Variants in FNDC7 observed in about 807,000 individuals in gnomAD.
The protein encoded by FNDC7 is fibronectin type III domain containing 7, also known as fibronectin type III domain-containing protein 7.
A neutral mutation model predicts 74.2 loss-of-function variants in FNDC7; 66 were observed. The ratio of observed to expected loss-of-function variants is 0.89; its 90% CI spans 0.73 to 1.09. FNDC7 has a LOEUF of 1.09. Among genes scored for constraint, FNDC7 ranks in the 50% least tolerant of loss-of-function variants. FNDC7 has a pLI of 0.00. For missense variants in FNDC7, 829 were observed against 893.4 expected, an observed-to-expected ratio of 0.93 and a Z score of 0.92; for synonymous variants, 307 against 330.2, an observed-to-expected ratio of 0.93 and a Z score of 0.76.
chr1:108,718,300 G>T (rs1225194296), intron 3 of FNDC7, among the ~76,000 whole-genome samples: 1 of 152,206 alleles, frequency 6.6e-6, no homozygotes. Flanking sequence ...CTGAAATAGG[G>T]ATTTCTGGTT....
chr1:108,718,734 A>T, intron 3 of FNDC7, 55 bp from the exon 4 acceptor site: 1 of 1,522,456 alleles, frequency 6.6e-7, no homozygotes, highest in Non-Finnish European at 8.9e-7. Flanking sequence ...TCTAAATTTG[A>T]ATTATCCTCT....
chr1:108,727,091 C>T (rs560950392), intron 6 of FNDC7, among the ~76,000 whole-genome samples: 14 of 152,174 alleles, frequency 9.2e-5, no homozygotes, highest in Admixed American at 8.5e-4. Context: ...TTTGGGAAGC[C>T]GAGGCAGGCA....
intron 2 of FNDC7, 22 bp from the exon 3 acceptor site, chr1:108,717,755 A>G (rs1661005486): frequency 6.5e-7 from 1 of 1,549,656 alleles, no homozygotes; most frequent in Non-Finnish European, 8.7e-7. Flanking sequence ...TGGCTAATGT[A>G]CAACTCTAAA....
At chr1:108,720,632 G>A (rs1270593542) in intron 4 of FNDC7, among the ~76,000 whole-genome samples, 2 of 152,198 alleles carry the variant, frequency 1.3e-5, no homozygotes, top group Admixed American at 6.5e-5. Context: ...TGAAATCAAG[G>A]TGTTGGCTAG....
chr1:108,715,689 A>ACT (rs1660958337), intron 2 of FNDC7, among the ~76,000 whole-genome samples: 1 of 152,070 alleles, frequency 6.6e-6, no homozygotes, highest in Non-Finnish European at 1.5e-5. Flanking sequence ...ACACACACAC[A>ACT]CACTTTCCAA....
Position 108,727,895 on chromosome 1 carries a change from T to C in FNDC7, c.1199T>C (p.Leu400Pro). ...TGGTCTCCTGTCCGTGGTGCCGAACTGTATGAAACCAAGGCTGTAGATGGG... is the reference window on the plus strand; with the variant it reads ...TGGTCTCCTGTCCGTGGTGCCGAACCGTATGAAACCAAGGCTGTAGATGGG... ...IVWSPVRGAE[L>P]YETKAVDGYN... The change falls in exon 7 of 13, where the codon CTG becomes CCG. Residue 400 changes from leucine to proline, a missense_variant. By Grantham distance (98) the Leu-to-Pro change is moderately conservative (BLOSUM62 -3). Coordinates refer to ENST00000370017, the MANE Select transcript of FNDC7 (RefSeq NM_001144937.3). The C allele has an allele frequency of 1.9e-6, 3 of 1,614,202 alleles. No homozygotes were observed. Among genetic ancestry groups the C allele is most frequent in the Admixed American group, 1.7e-5 (1 of 60,022 alleles).
chr1:108,738,472 G>T (rs1329095012), intron 11 of FNDC7, among the ~76,000 whole-genome samples: 3 of 152,114 alleles, frequency 2.0e-5, no homozygotes. Flanking sequence ...AGCTTGGTCT[G>T]GGGCCTTAGG....
intron 9 of FNDC7, among the ~76,000 whole-genome samples, chr1:108,732,986 C>G (rs1661426414): frequency 6.9e-6 from 1 of 145,432 alleles, no homozygotes; most frequent in African/African-American, 2.6e-5. Flanking sequence ...GTTGCCTAGG[C>G]TGGTCTCAAA....
At chr1:108,730,536 A>AT (rs1472594089) in intron 8 of FNDC7, 138 bp from the exon 9 acceptor site, 3 of 1,002,100 alleles carry the variant, frequency 3.0e-6, no homozygotes, top group African/African-American at 3.3e-5. Context: ...ACAAAAGGAA[A>AT]TTTTTTATTA....
chr1:108,718,870 T>C lies in FNDC7; in HGVS notation c.419T>C (p.Ile140Thr), dbSNP rs761909685. ...CAGTGGGAAGCTGTATATATGGCAA[T>C]TGCATTCTCCGTGTCCATTATGCGA... ...LVQWEAVYMAIAFSVSIMRAN... is the reference protein window; with the variant it reads ...LVQWEAVYMATAFSVSIMRAN... The change falls in exon 4 of 13, where the codon ATT becomes ACT. Residue 140 changes from isoleucine (I) to threonine (T), a missense_variant. Physicochemically the swap from Ile to Thr is moderately conservative, Grantham distance 89. Transcript: ENST00000370017. The C allele has an allele frequency of 1.3e-6, 2 of 1,551,784 alleles. No homozygotes were observed. The highest frequency in any genetic ancestry group is 4.9e-5 in the East Asian group (2 of 40,924).
At chr1:108,722,737 A>C in intron 5 of FNDC7, 145 bp downstream of exon 5, 53 of 972,338 alleles carry the variant, frequency 5.5e-5, no homozygotes, top group Non-Finnish European at 7.2e-5. Context: ...GGACATTCTC[A>C]TGAGTTTGAA....
At position 108,733,437 on chromosome 1, in the gene FNDC7, C is replaced by G. The variant is rs142066794; in HGVS notation, c.2045C>G (p.Thr682Ser). ...GCTGGCCTCAGTTTCTGTGATGTCA[C>G]TGAGATACCCTGTGGGGATGTATAC... ...PSAGLSFCDV[T>S]EIPCGDVYTV... Residue 682 changes from threonine (T) to serine (S), a missense_variant, in exon 10 of 13, where the codon ACT becomes AGT. Transcript: ENST00000370017. 2 of 1,614,004 alleles carry G rather than the reference C, an allele frequency of 1.2e-6. No individual in the cohort carries two copies. Among genetic ancestry groups the G allele is most frequent in the African/African-American group, 2.7e-5 (2 of 74,886 alleles).
rs34183498 is a variant in FNDC7, at chr1:108,740,029, T to TAAAAAA, written c.2171-1728_2171-1723dup. On this transcript the variant is annotated intron_variant, in intron 11 of 12. Transcript: ENST00000370017. ...CCCCCTGCCCTCAACGCCATCTCTC[T>TAAAAAA]AAAAAAAAAAAAAAAAAAAAATCCC... 5.3e-3 allele frequency among the ~76,000 whole-genome samples: 580 copies of TAAAAAA among 109,184 alleles called. 10 individuals are homozygous for TAAAAAA. The highest frequency in any genetic ancestry group is 0.019 in the African/African-American group (529 of 27,716). 71.6% of individuals were successfully genotyped at this position (109,184 alleles called of 152,430 possible).
intron 9 of FNDC7, among the ~76,000 whole-genome samples, chr1:108,732,300 AG>A (rs1459285551): frequency 6.9e-6 from 1 of 144,060 alleles, no homozygotes; most frequent in Non-Finnish European, 1.5e-5. Flanking sequence ...CGGAGTTTGC[AG>A]TGAGCCGACC....
At chr1:108,737,387 T>C in intron 10 of FNDC7, 108 bp from the exon 11 acceptor site, 1 of 971,784 alleles carries the variant, frequency 1.0e-6, no homozygotes, top group Non-Finnish European at 1.5e-6. Context: ...TTCGTTCTTG[T>C]TCGTTTTTTG....
chr1:108,725,893 C>G lies in FNDC7; in HGVS notation c.1000C>G (p.Leu334Val), dbSNP rs1315959138. The G allele has an allele frequency of 6.2e-7, 1 of 1,614,006 alleles. No homozygotes were observed. Among genetic ancestry groups the G allele is most frequent in the Non-Finnish European group, 8.5e-7 (1 of 1,180,032 alleles). The change falls in exon 6 of 13, where the codon CTC becomes GTC. Residue 334 changes from leucine to valine, a missense_variant. By Grantham distance (32) the Leu-to-Val change is conservative (BLOSUM62 1). Coordinates refer to ENST00000370017, the MANE Select transcript of FNDC7 (RefSeq NM_001144937.3). ...CTTGGAAGTACACTGCAACACATCT[C>G]TCACTCAGTGCAACTTCTTATCTGA... ...DGLEVHCNTS[L>V]TQCNFLSECG...
At chr1:108,714,957 A>G (rs1389669442) in intron 2 of FNDC7, among the ~76,000 whole-genome samples, 2 of 152,092 alleles carry the variant, frequency 1.3e-5, no homozygotes, top group Non-Finnish European at 2.9e-5. Flanking sequence ...ACAAGGTCCT[A>G]GCACACCCAG....
intron 5 of FNDC7, 41 bp from the exon 6 acceptor site, chr1:108,725,709 C>G: frequency 6.3e-7 from 1 of 1,585,608 alleles, no homozygotes; most frequent in Non-Finnish European, 8.6e-7. Flanking sequence ...CGAAGAAAAT[C>G]TCCTGCAGTA....
chr1:108,740,497 T>A (rs1280695136), intron 11 of FNDC7, among the ~76,000 whole-genome samples: 1 of 152,066 alleles, frequency 6.6e-6, no homozygotes, highest in Non-Finnish European at 1.5e-5. Context: ...TTGGCTAATT[T>A]TTGTATTTTT....
Sources: allele counts gnomAD v4.1 joint callset (sites outside exome capture counted in the v4.1 genomes callset), GRCh38; gene constraint gnomAD v4.1.1; transcripts MANE v1.5; gene names NCBI Gene and HGNC (gene_info 2026-07-23, HGNC 2026-07-21).